The following ANTXR2 variants were observed in gnomAD, a reference collection of about 807,000 sequenced individuals.
ANTXR2 encodes the protein ANTXR cell adhesion molecule 2, also known as anthrax toxin receptor 2.
A neutral mutation model predicts 73.7 loss-of-function variants in ANTXR2; 44 were observed. The observed-to-expected ratio is 0.60, with a 90% CI of 0.47 to 0.77. The LOEUF (loss-of-function observed/expected upper bound fraction) is 0.77, where lower values mean the gene tolerates loss of function less well. Ranked by LOEUF, ANTXR2 falls within the 30% of genes least tolerant of loss-of-function variation. The probability of loss-of-function intolerance (pLI) is 0.00; values close to 1 mark genes in which losing one functional copy is unlikely to be tolerated. For synonymous variants in ANTXR2, 217 were observed against 205.9 expected (o/e 1.05, Z -0.46); for missense variants, 604 against 592.5 (o/e 1.02, Z -0.20).
intron 16 of ANTXR2, among the ~76,000 whole-genome samples, chr4:79,912,828 C>T (rs966667527): frequency 6.6e-6 from 1 of 151,938 alleles, no homozygotes; most frequent in Non-Finnish European, 1.5e-5. Flanking sequence ...CTCTATTCTA[C>T]AGCCATTAAA....
chr4:80,050,214 C>T (rs190760362), intron 7 of ANTXR2, among the ~76,000 whole-genome samples: 109 of 151,822 alleles, frequency 7.2e-4, no homozygotes, highest in African/African-American at 2.5e-3. Flanking sequence ...CATGGGAATA[C>T]TGAATTTTGT....
intron 12 of ANTXR2, among the ~76,000 whole-genome samples, chr4:79,988,512 G>T (rs78354657): frequency 0.091 from 13,862 of 151,628 alleles, 734 homozygotes; most frequent in Middle Eastern, 0.23. Context: ...AGTTCTTAGA[G>T]ACCTATGAAG....
At chr4:80,056,910 C>T (rs1734023859) in intron 3 of ANTXR2, among the ~76,000 whole-genome samples, 1 of 151,674 alleles carries the variant, frequency 6.6e-6, no homozygotes, top group African/African-American at 2.4e-5. Flanking sequence ...AACCAATTAT[C>T]TTAAAAGATA....
At chr4:80,014,756 G>A (rs1311989582) in intron 11 of ANTXR2, among the ~76,000 whole-genome samples, 2 of 152,024 alleles carry the variant, frequency 1.3e-5, no homozygotes, top group East Asian at 1.9e-4. Context: ...CCTATCACAC[G>A]GTCTCTGTAG....
chr4:79,953,140 G>T (rs1728766686), intron 16 of ANTXR2, among the ~76,000 whole-genome samples: 3 of 152,070 alleles, frequency 2.0e-5, no homozygotes, highest in Admixed American at 2.0e-4. Context: ...TCAACCCTCA[G>T]TTCCCAGTAC....
At chr4:79,972,920 T>TAAAAA (rs746252575) in intron 16 of ANTXR2, among the ~76,000 whole-genome samples, 2 of 53,166 alleles carry the variant, frequency 3.8e-5, no homozygotes, top group Non-Finnish European at 6.8e-5. Flanking sequence ...TAGAGTATAA[T>TAAAAA]AAAAAAAAAA....
rs752114810 is a variant in ANTXR2 at position 80,008,575 on chromosome 4, C to G, written c.987G>C (p.Leu329=). The G allele has an allele frequency of 6.2e-7, 1 of 1,606,390 alleles. No individual in the cohort carries two copies. Among genetic ancestry groups the G allele is most frequent in the East Asian group, 2.3e-5 (1 of 44,348 alleles). Residue 329 remains leucine, a synonymous_variant, in exon 12 of 17, where the codon CTG becomes CTC. Coordinates refer to ENST00000403729, the MANE Select transcript of ANTXR2 (RefSeq NM_058172.6). ...ACATCAAACCGATCCCCAGGAGTAG[C>G]AGTAACACCAAAATAACAATGATGG... The part of the protein sequence containing the change: ...IAAIIVILVL[L]LLLGIGLMWW...
chr4:79,936,757 CT>C (rs1728278855), intron 16 of ANTXR2, among the ~76,000 whole-genome samples: 1 of 152,068 alleles, frequency 6.6e-6, no homozygotes, highest in African/African-American at 2.4e-5. Flanking sequence ...AACTAATTCA[CT>C]TTAAGTTCTG....
intron 16 of ANTXR2, among the ~76,000 whole-genome samples, chr4:79,948,778 A>C (rs1272805097): frequency 3.9e-5 from 6 of 152,068 alleles, no homozygotes; most frequent in African/African-American, 1.4e-4. Context: ...GGGAGGAGGA[A>C]GGAAAGGAGG....
intron 16 of ANTXR2, among the ~76,000 whole-genome samples, chr4:79,932,150 A>G (rs758397935): frequency 6.6e-6 from 1 of 152,230 alleles, no homozygotes; most frequent in Non-Finnish European, 1.5e-5. Context: ...CTGGTAATAC[A>G]TTGTCAATTA....
chr4:80,014,523 G>A lies in ANTXR2; in HGVS notation c.945+4375C>T, dbSNP rs577488157. 8.6e-5 allele frequency among the ~76,000 whole-genome samples: 13 copies of A among 151,910 alleles called. No homozygotes were observed. The East Asian group carries it at 1.2e-3, about 14-fold the overall frequency. Reference sequence around the variant, plus strand: ...AGAGATTGCAGTGAGCCAAACTGGCGTCACTGCACTCCAGCCTACCAACAG... The same window carrying A: ...AGAGATTGCAGTGAGCCAAACTGGCATCACTGCACTCCAGCCTACCAACAG... On this transcript the variant is annotated intron_variant, in intron 11 of 16. Transcript: ENST00000403729.
intron 16 of ANTXR2, among the ~76,000 whole-genome samples, chr4:79,911,337 TTAA>T (rs2109929294): frequency 6.6e-6 from 1 of 152,292 alleles, no homozygotes; most frequent in African/African-American, 2.4e-5. Flanking sequence ...GTATTATTAG[TTAA>T]TAATGTTTCT....
intron 12 of ANTXR2, among the ~76,000 whole-genome samples, chr4:79,987,274 GA>G (rs58238337): frequency 0.034 from 4,070 of 118,506 alleles, 155 homozygotes; most frequent in African/African-American, 0.11. Flanking sequence ...GCCATTTTAA[GA>G]AAAAAAAAAA....
intron 8 of ANTXR2, among the ~76,000 whole-genome samples, chr4:80,034,406 T>A (rs1367211091): frequency 6.6e-6 from 1 of 152,098 alleles, no homozygotes; most frequent in East Asian, 1.9e-4. Flanking sequence ...GAGCAGAAGA[T>A]TCTTGAATTA....
intron 16 of ANTXR2, among the ~76,000 whole-genome samples, chr4:79,966,522 T>C (rs908166416): frequency 3.3e-5 from 5 of 152,176 alleles, no homozygotes; most frequent in African/African-American, 1.2e-4. Context: ...CTGATACTCT[T>C]CCTGCCTCTG....
rs112013307 is a variant in ANTXR2 at position 79,927,294 on chromosome 4, C to CCACACACACACACACACA, written c.1429-19828_1429-19827insTGTGTGTGTGTGTGTGTG. Among the ~76,000 whole-genome samples the CCACACACACACACACACA allele has an allele frequency of 9.3e-3, 1,404 of 150,294 alleles. 10 individuals carry two copies. The highest frequency in any genetic ancestry group is 0.026 in the African/African-American group (1,070 of 40,834). ...AGAGAGTAGATTTTAGGAGCTCTTA[C>CCACACACACACACACACA]CACACACACACACACACGCACTCAC... On this transcript the variant is annotated intron_variant, in intron 16 of 16. Transcript: ENST00000403729.
rs1270877595 is a variant in ANTXR2, at chr4:79,980,265, C to A, written c.1180-2091G>T. Among the ~76,000 whole-genome samples the A allele has an allele frequency of 7.2e-5, 11 of 152,256 alleles. No homozygotes were observed. The East Asian group carries it at 1.9e-3, about 27-fold the overall frequency. Reference sequence around the variant, plus strand: ...ATCATCACCACCACAAACACCACCACAAACAATTCTCACTTACTCAAAGTC... The same window carrying A: ...ATCATCACCACCACAAACACCACCAAAAACAATTCTCACTTACTCAAAGTC... On this transcript the variant is annotated intron_variant, in intron 14 of 16. Transcript: ENST00000403729.
chr4:79,922,874 A>C (rs571456104), intron 16 of ANTXR2, among the ~76,000 whole-genome samples: 1 of 152,238 alleles, frequency 6.6e-6, no homozygotes, highest in South Asian at 2.1e-4. Flanking sequence ...AAACAAAAAG[A>C]ATATAATTAA....
intron 13 of ANTXR2, among the ~76,000 whole-genome samples, chr4:79,984,260 C>A (rs1730009983): frequency 6.6e-6 from 1 of 152,084 alleles, no homozygotes; most frequent in Admixed American, 6.5e-5. Context: ...CAAATCTATT[C>A]ATCACTTCAT....
Sources: gnomAD v4.1 joint callset for allele counts (sites outside exome capture counted in the v4.1 genomes callset) on GRCh38, gnomAD v4.1.1 for gene constraint, MANE v1.5 for transcripts, NCBI Gene and HGNC (gene_info 2026-07-23, HGNC 2026-07-21) for gene names.